Variants in SOX13 observed in about 807,000 individuals in gnomAD.
The protein encoded by SOX13 is transcription factor SOX-13.
Under a neutral mutation model 71.8 loss-of-function variants are expected in SOX13, and 28 were observed. The ratio of observed to expected loss-of-function variants is 0.39; its 90% CI spans 0.29 to 0.53. The LOEUF is 0.53. SOX13 is among the 20% of genes least tolerant of loss of function. The probability of loss-of-function intolerance (pLI) is 0.70; values close to 1 mark genes in which losing one functional copy is unlikely to be tolerated. For missense variants in SOX13, 627 were observed against 810.3 expected (o/e 0.77, Z 2.75); for synonymous variants, 309 against 317.8 (o/e 0.97, Z 0.29).
At position 204,126,616 on chromosome 1, in the gene SOX13, G is replaced by A. The variant is rs1193276348; in HGVS notation, c.*482G>A. The A allele has an allele frequency of 5.5e-6, 1 of 182,776 alleles. No homozygotes were observed. Among genetic ancestry groups the A allele is most frequent in the Admixed American group, 5.4e-5 (1 of 18,424 alleles). 11.3% of individuals were successfully genotyped at this position (182,776 alleles called of 1,614,324 possible). ...CAAAAGGGTCTGGCTGTCCCTTGCT[G>A]TTTTCATCTCTGCCAAGCCTATTGT... On this transcript the variant is annotated 3_prime_UTR_variant, in exon 14 of 14. Transcript: ENST00000367204.
Position 204,126,289 on chromosome 1 carries a change from G to A in SOX13, c.*155G>A. Reference sequence around the variant, plus strand: ...TGCACTTGCAGATACATTCATGAGGGGAGAGGCGCCCTCCCTTCCTGAGGA... The same window carrying A: ...TGCACTTGCAGATACATTCATGAGGAGAGAGGCGCCCTCCCTTCCTGAGGA... On this transcript the variant is annotated 3_prime_UTR_variant, in exon 14 of 14. Transcript: ENST00000367204. The A allele has an allele frequency of 1.2e-6, 1 of 812,248 alleles. No individual in the cohort carries two copies. Among genetic ancestry groups the A allele is most frequent in the Non-Finnish European group, 1.9e-6 (1 of 519,534 alleles). 50.3% of individuals were successfully genotyped at this position (812,248 alleles called of 1,614,324 possible). A position where few individuals can be genotyped will look rare whatever the true frequency, so the allele number is the denominator to read the frequency against.
chr1:204,123,870 C>G lies in SOX13; in HGVS notation c.1375+66C>G. ...GTTGCAGGAGCCAGCTGGGTCTATT[C>G]AGGGCTTGCTTGGTGATATTCCATA... On this transcript the variant is annotated intron_variant, in intron 12 of 13. Transcript: ENST00000367204. The surrounding 1 kb of genome is among the most constrained non-coding windows in gnomAD (Gnocchi z 5.0). 1 of 1,566,082 alleles carries G rather than the reference C, an allele frequency of 6.4e-7. No homozygotes were observed.
chr1:204,113,900 G>A (rs1656637011), intron 2 of SOX13, among the ~76,000 whole-genome samples: 1 of 152,162 alleles, frequency 6.6e-6, no homozygotes, highest in Admixed American at 6.5e-5. Context: ...GGTGTAGTGG[G>A]TATGTTCAAG....
chr1:204,104,977 G>A (rs1656434773), intron 1 of SOX13, among the ~76,000 whole-genome samples: 1 of 152,204 alleles, frequency 6.6e-6, no homozygotes, highest in Non-Finnish European at 1.5e-5. Context: ...TGGGCAGAAA[G>A]GGGCTAGGTT....
chr1:204,084,637 C>T (rs1200927485), intron 1 of SOX13, among the ~76,000 whole-genome samples: 1 of 152,104 alleles, frequency 6.6e-6, no homozygotes, highest in Admixed American at 6.5e-5. Context: ...ACAGGTGTCT[C>T]AGGAGCTCTG....
Position 204,123,552 on chromosome 1 carries a change from C to A in SOX13, c.1232-109C>A. The A allele has an allele frequency of 1.7e-6, 2 of 1,209,190 alleles. No individual in the cohort carries two copies. Among genetic ancestry groups the A allele is most frequent in the Non-Finnish European group, 2.3e-6 (2 of 874,838 alleles). 74.9% of individuals were successfully genotyped at this position (1,209,190 alleles called of 1,614,324 possible). On this transcript the variant is annotated intron_variant, in intron 11 of 13. Transcript: ENST00000367204. The surrounding 1 kb of genome is among the most constrained non-coding windows in gnomAD (Gnocchi z 5.0). ...CCTCCTCGGCTGGCTGCTGTGGGAG[C>A]CTCCTCAGTGCCTCCTGCTGGTCAA...
chr1:204,079,080 C>T lies in SOX13; in HGVS notation c.-2+5369C>T, dbSNP rs188295208. ...TTGGGAGGCCAAGGCGGGCGGATCACGAGGTCAGGAGATCGAGACCATCCT... is the reference window on the plus strand; with the variant it reads ...TTGGGAGGCCAAGGCGGGCGGATCATGAGGTCAGGAGATCGAGACCATCCT... On this transcript the variant is annotated intron_variant, in intron 1 of 13. Coordinates refer to ENST00000367204, the MANE Select transcript of SOX13 (RefSeq NM_005686.3). Among the ~76,000 whole-genome samples the T allele has an allele frequency of 2.2e-4, 33 of 152,148 alleles. No individual in the cohort carries two copies. In the East Asian group the frequency reaches 6.1e-3, roughly 28 times the overall value.
At chr1:204,114,743 G>T in intron 4 of SOX13, 138 bp downstream of exon 4, 1 of 686,270 alleles carries the variant, frequency 1.5e-6, no homozygotes, top group East Asian at 2.7e-5. Flanking sequence ...GGCCTTAGGG[G>T]TCATCACCAT....
Position 204,123,779 on chromosome 1 carries a change from C to A in SOX13, c.1350C>A (p.His450Gln). 6.2e-7 allele frequency: 1 copy of A among 1,614,198 alleles called. No individual in the cohort carries two copies. The highest frequency in any genetic ancestry group is 8.5e-7 in the Non-Finnish European group (1 of 1,180,034). Residue 450 changes from histidine (H) to glutamine (Q), a missense_variant, in exon 12 of 14, where the codon CAC becomes CAA. Coordinates refer to ENST00000367204, the MANE Select transcript of SOX13 (RefSeq NM_005686.3). The surrounding 1 kb of genome is among the most constrained non-coding windows in gnomAD (Gnocchi z 5.0). ...TCCTGCAAGCCTTCCCAGACATGCA[C>A]AACTCCAGCATCAGCAAGATCCTTG... Reference protein sequence around the residue: ...RKILQAFPDMHNSSISKILGS... With the variant: ...RKILQAFPDMQNSSISKILGS...
At chr1:204,124,600 G>C in intron 12 of SOX13, 41 bp from the exon 13 acceptor site, 1 of 1,550,646 alleles carries the variant, frequency 6.4e-7, no homozygotes. Flanking sequence ...GTGGTCAGCA[G>C]AGCCCAGCAC....
At position 204,126,988 on chromosome 1, in the gene SOX13, C is replaced by T. The variant is rs754208700; in HGVS notation, c.*854C>T. 77 of 153,712 alleles carry T rather than the reference C, an allele frequency of 5.0e-4. No individual in the cohort carries two copies. The highest frequency in any genetic ancestry group is 7.9e-4 in the Non-Finnish European group (54 of 68,768). The allele number at this position is 153,712 out of a possible 1,614,324, so 9.5% of individuals were successfully genotyped here. On this transcript the variant is annotated 3_prime_UTR_variant, in exon 14 of 14. Coordinates refer to ENST00000367204, the MANE Select transcript of SOX13 (RefSeq NM_005686.3). ...TCTGGATTCTCTGGGTCTATGTAGG[C>T]CCCTGGTCTGCCCTGGGCTCATCAG...
At position 204,124,647 on chromosome 1, in the gene SOX13, G is replaced by A. The variant is rs767431500; in HGVS notation, c.1382G>A (p.Arg461His). ...NSSISKILGS[R>H]WKSMTNQEKQ... ...CCCTGGGGGGTTGGGTCAGGATCTC[G>A]CTGGAAGTCCATGACCAACCAGGAG... The change falls in exon 13 of 14, where the codon CGC (arginine) becomes CAC (histidine). Residue 461 changes from arginine to histidine, a missense_variant. Around this residue, in one of 3 missense-constraint regions of SOX13, gnomAD observed 32 missense variants for 85.4 expected, o/e 0.37. Coordinates refer to ENST00000367204, the MANE Select transcript of SOX13 (RefSeq NM_005686.3). 27 of 1,610,028 alleles carry A rather than the reference G, an allele frequency of 1.7e-5. No individual in the cohort carries two copies. Among genetic ancestry groups the A allele is most frequent in the Admixed American group, 1.7e-5 (1 of 59,586 alleles).
intron 1 of SOX13, among the ~76,000 whole-genome samples, chr1:204,110,453 C>A (rs1027454201): frequency 6.6e-6 from 1 of 151,780 alleles, no homozygotes; most frequent in East Asian, 1.9e-4. Flanking sequence ...GGCATGAGCC[C>A]CTGTGCCTCT....
At chr1:204,103,470 T>G (rs1337270952) in intron 1 of SOX13, among the ~76,000 whole-genome samples, 3 of 152,242 alleles carry the variant, frequency 2.0e-5, no homozygotes, top group Non-Finnish European at 4.4e-5. Flanking sequence ...CGAGCCTTAG[T>G]CTTTGTAGTG....
chr1:204,092,125 G>A (rs1177000547), intron 1 of SOX13, among the ~76,000 whole-genome samples: 1 of 151,636 alleles, frequency 6.6e-6, no homozygotes, highest in Non-Finnish European at 1.5e-5. Context: ...CTAGCTCACT[G>A]CAGCCTTGAG....
intron 1 of SOX13, among the ~76,000 whole-genome samples, chr1:204,076,279 G>A (rs1655784422): frequency 6.6e-6 from 1 of 152,208 alleles, no homozygotes; most frequent in African/African-American, 2.4e-5. Context: ...ATGTGCATTT[G>A]TGTCTCTGGG....
At chr1:204,118,341 C>A (rs886487089) in intron 7 of SOX13, 2 of 150,960 alleles carry the variant, frequency 1.3e-5, no homozygotes, top group Non-Finnish European at 3.0e-5. Flanking sequence ...CTCCCAAATT[C>A]TTTTTTGTTT....
At chr1:204,097,970 C>T (rs1571576118) in intron 1 of SOX13, among the ~76,000 whole-genome samples, 1 of 151,970 alleles carries the variant, frequency 6.6e-6, no homozygotes, top group Admixed American at 6.6e-5. Context: ...GTGATCCTCT[C>T]ATCTCAGCCT....
chr1:204,107,789 GA>G (rs1656501002), intron 1 of SOX13, among the ~76,000 whole-genome samples: 1 of 152,214 alleles, frequency 6.6e-6, no homozygotes, highest in African/African-American at 2.4e-5. Flanking sequence ...GGGCCCAGAG[GA>G]TACCAACTAA....
Sources: gnomAD v4.1 joint callset for allele counts (sites outside exome capture counted in the v4.1 genomes callset) on GRCh38, gnomAD v4.1.1 for gene constraint, gnomAD v4.1.1 regional missense constraint, Gnocchi (gnomAD v3.1) non-coding constraint, MANE v1.5 for transcripts, NCBI Gene and HGNC (gene_info 2026-07-23, HGNC 2026-07-21) for gene names.